Variants in GRIA3 observed in about 807,000 individuals in gnomAD.
GRIA3 encodes glutamate ionotropic receptor AMPA type subunit 3.
In GRIA3, 3 loss-of-function variants were observed where a neutral mutation model predicts 63.0. The observed-to-expected ratio is 0.05, with a 90% confidence interval of 0.02 to 0.12. GRIA3 has a LOEUF of 0.12. Ranked by LOEUF, GRIA3 falls within the 10% of genes least tolerant of loss-of-function variation. The pLI, the probability that GRIA3 is intolerant of heterozygous loss-of-function variation, is 1.00. For synonymous variants in GRIA3, 274 were observed against 257.9 expected (o/e 1.06, Z -0.60); for missense variants, 347 against 700.9 (o/e 0.50, Z 5.70).
At chrX:123,332,001 T>C (rs2044944451) in intron 4 of GRIA3, among the ~76,000 whole-genome samples, 1 of 111,899 alleles carries the variant, frequency 8.9e-6, no homozygotes, top group South Asian at 3.8e-4. Context: ...GGTGAGTTTC[T>C]GTGTTCATGA....
chrX:123,244,975 G>A (rs2044349644), intron 2 of GRIA3, among the ~76,000 whole-genome samples: 1 of 112,301 alleles, frequency 8.9e-6, no homozygotes. Context: ...TAATTTTATA[G>A]CAGTATTCAA....
chrX:123,455,779 T>C (rs1241463359), intron 12 of GRIA3, among the ~76,000 whole-genome samples: 2 of 111,946 alleles, frequency 1.8e-5, no homozygotes, highest in Non-Finnish European at 3.8e-5. Context: ...AAAAGGATAT[T>C]GTCAGTGCTA....
At chrX:123,282,490 T>C (rs1280389582) in intron 3 of GRIA3, among the ~76,000 whole-genome samples, 1 of 112,712 alleles carries the variant, frequency 8.9e-6, no homozygotes, top group Non-Finnish European at 1.9e-5. Flanking sequence ...GAAAACCCTC[T>C]GCTTTAGAGT....
intron 2 of GRIA3, among the ~76,000 whole-genome samples, chrX:123,194,767 C>T (rs1309629920): frequency 7.1e-5 from 8 of 112,397 alleles, no homozygotes; most frequent in Non-Finnish European, 1.3e-4. Context: ...CCCAGTACTA[C>T]AGAGATATAC....
intron 13 of GRIA3, among the ~76,000 whole-genome samples, chrX:123,471,056 T>C (rs1343085591): frequency 8.9e-6 from 1 of 111,772 alleles, no homozygotes; most frequent in Non-Finnish European, 1.9e-5. Flanking sequence ...GAGTATATTG[T>C]GCTCTTCGTT....
chrX:123,352,281 T>C (rs1298428307), intron 4 of GRIA3, among the ~76,000 whole-genome samples: 1 of 111,731 alleles, frequency 9.0e-6, no homozygotes, highest in Non-Finnish European at 1.9e-5. Flanking sequence ...GGTTTCTCCA[T>C]GTTGTTCAGG....
At chrX:123,389,748 C>T (rs1395362192) in intron 5 of GRIA3, among the ~76,000 whole-genome samples, 1 of 110,772 alleles carries the variant, frequency 9.0e-6, no homozygotes, top group Non-Finnish European at 1.9e-5. Context: ...CGCTCTGTTG[C>T]CCAGGCTGGA....
intron 3 of GRIA3, among the ~76,000 whole-genome samples, chrX:123,260,448 GAA>G: frequency 9.0e-5 from 1 of 11,131 alleles, no homozygotes; most frequent in Non-Finnish European, 2.2e-4. Context: ...AAGAAAGAAA[GAA>G]AGAAAGAAAG....
chrX:123,207,091 C>A (rs1927908250), intron 2 of GRIA3, among the ~76,000 whole-genome samples: 1 of 109,289 alleles, frequency 9.2e-6, no homozygotes, highest in Admixed American at 9.7e-5. Flanking sequence ...ATTTTAACTT[C>A]AATTTAGAGA....
Position 123,463,718 on chromosome X carries a change from A to AAG in GRIA3, c.2077-1145_2077-1144dup, listed in dbSNP as rs1231431655. ...AGAAAGAAAAAGAAAGAAAGAAAGA[A>AAG]AGAAAGAGAAAGAAGAGAGAGAAAG... On this transcript the variant is annotated intron_variant, in intron 12 of 15. Transcript: ENST00000620443. 4.5e-4 allele frequency among the ~76,000 whole-genome samples: 46 copies of AAG among 102,254 alleles called. 2 individuals are homozygous for AAG. Among genetic ancestry groups the AAG allele is most frequent in the African/African-American group, 1.7e-3 (42 of 24,925 alleles). The allele number at this position is 102,254 out of a possible 115,157, so 88.8% of individuals were successfully genotyped here.
chrX:123,326,211 C>A lies in GRIA3; in HGVS notation c.694C>A (p.Gln232Lys). 1.7e-6 allele frequency: 2 copies of A among 1,201,056 alleles called. No homozygotes were observed. The highest frequency in any genetic ancestry group is 2.3e-6 in the Non-Finnish European group (2 of 886,074). Residue 232 changes from glutamine (Q) to lysine (K), a missense_variant and splice_region_variant, in exon 4 of 16, where the codon CAG becomes AAG. This residue lies in a region of GRIA3 where 113 missense variants were observed against 130.6 expected (regional missense o/e 0.87). Coordinates refer to ENST00000620443, the MANE Select transcript of GRIA3 (RefSeq NM_007325.5). ...CGAAAGGATTAACACAATTTTGGAA[C>A]AGGTACGTTTGAGATTTATTTCACC... ...EVERINTILE[Q>K]VVILGKHSRG...
chrX:123,315,117 A>G (rs1437657613), intron 3 of GRIA3, among the ~76,000 whole-genome samples: 1 of 111,626 alleles, frequency 9.0e-6, no homozygotes, highest in Non-Finnish European at 1.9e-5. Context: ...TGATTCCACA[A>G]ATTAGCCAAG....
At chrX:123,275,551 G>A (rs1264985756) in intron 3 of GRIA3, among the ~76,000 whole-genome samples, 2 of 112,392 alleles carry the variant, frequency 1.8e-5, no homozygotes, top group African/African-American at 6.5e-5. Context: ...AAAGGTTAAA[G>A]GTACACTGCA....
intron 3 of GRIA3, among the ~76,000 whole-genome samples, chrX:123,296,763 A>C (rs112727785): frequency 9.0e-6 from 1 of 111,267 alleles, no homozygotes; most frequent in South Asian, 3.7e-4. Context: ...ACCAAAGTTG[A>C]CAGTCCACAT....
intron 3 of GRIA3, among the ~76,000 whole-genome samples, chrX:123,279,778 T>TTC (rs903854985): frequency 9.0e-6 from 1 of 111,306 alleles, no homozygotes; most frequent in Non-Finnish European, 1.9e-5. Flanking sequence ...TCCCAAAGAC[T>TTC]TCTCTATTAG....
intron 4 of GRIA3, among the ~76,000 whole-genome samples, chrX:123,344,280 C>T (rs1292299870): frequency 8.9e-6 from 1 of 112,318 alleles, no homozygotes; most frequent in South Asian, 3.7e-4. Flanking sequence ...CTACCCATAT[C>T]CCCTCAGCAC....
chrX:123,441,348 T>C (rs1252334208), intron 12 of GRIA3, among the ~76,000 whole-genome samples: 1 of 111,619 alleles, frequency 9.0e-6, no homozygotes, highest in Non-Finnish European at 1.9e-5. Context: ...TAAAAACAAT[T>C]AGTTTCTGAG....
At chrX:123,289,559 T>C (rs1192089514) in intron 3 of GRIA3, among the ~76,000 whole-genome samples, 1 of 110,446 alleles carries the variant, frequency 9.1e-6, no homozygotes, top group Non-Finnish European at 1.9e-5. Flanking sequence ...CTTGAGTCAT[T>C]GGGCTTTTCT....
chrX:123,375,434 G>A (rs1266373175), intron 5 of GRIA3, among the ~76,000 whole-genome samples: 1 of 111,716 alleles, frequency 9.0e-6, no homozygotes, highest in African/African-American at 3.3e-5. Context: ...TTGGTATCTG[G>A]TTAATACCGC....
Sources: gnomAD v4.1 joint callset for allele counts (sites outside exome capture counted in the v4.1 genomes callset) on GRCh38, gnomAD v4.1.1 for gene constraint, gnomAD v4.1.1 regional missense constraint, MANE v1.5 for transcripts, NCBI Gene and HGNC (gene_info 2026-07-23, HGNC 2026-07-21) for gene names.